AGBL4: variants seen among roughly 807,000 people sequenced by gnomAD.
AGBL4 encodes AGBL carboxypeptidase 4.
AGBL4 carries 58 observed loss-of-function variants against 66.4 expected under a neutral mutation model. The ratio of observed to expected loss-of-function variants is 0.87; its 90% CI spans 0.71 to 1.09. The LOEUF is 1.09. AGBL4 is among the 50% of genes least tolerant of loss of function. AGBL4 has a pLI of 0.00. For synonymous variants in AGBL4, 234 were observed against 222.9 expected, an observed-to-expected ratio of 1.05 and a Z score of -0.44; for missense variants, 579 against 631.0, an observed-to-expected ratio of 0.92 and a Z score of 0.88.
intron 5 of AGBL4, among the ~76,000 whole-genome samples, chr1:49,043,005 T>C (rs1200917577): frequency 2.0e-5 from 3 of 152,090 alleles, no homozygotes; most frequent in South Asian, 2.1e-4. Flanking sequence ...AGGAGTGAAA[T>C]GTACAGATCC....
At chr1:48,587,816 G>A (rs546697071) in intron 10 of AGBL4, among the ~76,000 whole-genome samples, 2 of 151,128 alleles carry the variant, frequency 1.3e-5, no homozygotes, top group Admixed American at 1.3e-4. Flanking sequence ...CTAATTTTTT[G>A]TATTTTTAGC....
At chr1:49,196,900 C>T (rs1285885229) in intron 4 of AGBL4, among the ~76,000 whole-genome samples, 1 of 152,118 alleles carries the variant, frequency 6.6e-6, no homozygotes, top group Non-Finnish European at 1.5e-5. Context: ...GATCTTGGCT[C>T]ACTGCAGCCT....
At chr1:49,948,019 T>TATATATAA in intron 1 of AGBL4, among the ~76,000 whole-genome samples, 3 of 86,646 alleles carry the variant, frequency 3.5e-5, no homozygotes, top group African/African-American at 1.9e-4. Context: ...AATATATAAA[T>TATATATAA]ATATATAAAT....
intron 2 of AGBL4, among the ~76,000 whole-genome samples, chr1:49,834,334 T>C (rs1405622320): frequency 6.6e-6 from 1 of 152,242 alleles, no homozygotes. Context: ...TCCAGGAATT[T>C]ATCCATTTCT....
At chr1:49,978,089 G>A (rs1410045416) in intron 1 of AGBL4, among the ~76,000 whole-genome samples, 3 of 152,120 alleles carry the variant, frequency 2.0e-5, no homozygotes, top group Non-Finnish European at 4.4e-5. Context: ...TAGAATTTTA[G>A]GTTGAAAATA....
chr1:48,768,554 G>A (rs1644647395), intron 6 of AGBL4, among the ~76,000 whole-genome samples: 1 of 152,144 alleles, frequency 6.6e-6, no homozygotes, highest in African/African-American at 2.4e-5. Flanking sequence ...CAGGTGACAG[G>A]AAACCCAATG....
At chr1:49,563,336 C>T (rs555838596) in intron 3 of AGBL4, among the ~76,000 whole-genome samples, 2 of 152,020 alleles carry the variant, frequency 1.3e-5, no homozygotes, top group African/African-American at 4.8e-5. Context: ...CCAGAACTTC[C>T]AACACTATGT....
At chr1:48,565,031 C>A (rs1406950535) in intron 11 of AGBL4, among the ~76,000 whole-genome samples, 1 of 152,224 alleles carries the variant, frequency 6.6e-6, no homozygotes, top group Non-Finnish European at 1.5e-5. Flanking sequence ...GGGATGTTCA[C>A]TGTGTGTAAA....
chr1:49,576,442 G>T (rs907695789), intron 3 of AGBL4, among the ~76,000 whole-genome samples: 10 of 152,172 alleles, frequency 6.6e-5, no homozygotes, highest in Non-Finnish European at 1.5e-4. Flanking sequence ...GGAGGGCTCT[G>T]GGATTTTGGA....
At chr1:49,920,458 A>G (rs1235974169) in intron 1 of AGBL4, among the ~76,000 whole-genome samples, 3 of 152,178 alleles carry the variant, frequency 2.0e-5, no homozygotes, top group African/African-American at 7.2e-5. Context: ...CTCAAAAGAA[A>G]ACATTTATGC....
chr1:49,902,762 A>G (rs1221804169), intron 1 of AGBL4, among the ~76,000 whole-genome samples: 1 of 152,090 alleles, frequency 6.6e-6, no homozygotes, highest in East Asian at 1.9e-4. Context: ...ACAAACAAAC[A>G]AACAAACCAG....
intron 3 of AGBL4, among the ~76,000 whole-genome samples, chr1:49,485,317 T>C (rs946052611): frequency 6.6e-6 from 1 of 151,726 alleles, no homozygotes; most frequent in African/African-American, 2.4e-5. Context: ...GGAACATGGA[T>C]GAAGCTGGAA....
chr1:48,810,935 G>T (rs888962025), intron 6 of AGBL4, among the ~76,000 whole-genome samples: 1 of 152,198 alleles, frequency 6.6e-6, no homozygotes, highest in Non-Finnish European at 1.5e-5. Flanking sequence ...CATGCTGATT[G>T]TCTGCTGTGC....
intron 3 of AGBL4, among the ~76,000 whole-genome samples, chr1:49,284,056 A>T (rs1644346303): frequency 6.6e-6 from 1 of 150,778 alleles, no homozygotes; most frequent in African/African-American, 2.4e-5. Context: ...CAACTCCAAG[A>T]CACATAATTG....
At chr1:49,267,562 C>T (rs928006772) in intron 3 of AGBL4, among the ~76,000 whole-genome samples, 2 of 152,006 alleles carry the variant, frequency 1.3e-5, no homozygotes, top group African/African-American at 4.8e-5. Context: ...CGCCTGTAGT[C>T]CAAGCTACTC....
At chr1:49,999,158 C>T (rs535502682) in intron 1 of AGBL4, among the ~76,000 whole-genome samples, 3 of 151,672 alleles carry the variant, frequency 2.0e-5, no homozygotes, top group Admixed American at 6.6e-5. Flanking sequence ...GTATATGATA[C>T]GATCATATAC....
intron 4 of AGBL4, among the ~76,000 whole-genome samples, chr1:49,209,102 A>T (rs1249310847): frequency 1.1e-4 from 17 of 152,256 alleles, no homozygotes; most frequent in Non-Finnish European, 1.5e-5. Flanking sequence ...ATCCAGCACT[A>T]ACACATATAT....
At chr1:49,275,231 A>T (rs1644144085) in intron 3 of AGBL4, among the ~76,000 whole-genome samples, 1 of 152,198 alleles carries the variant, frequency 6.6e-6, no homozygotes, top group Non-Finnish European at 1.5e-5. Context: ...GAGTGGCCTG[A>T]TGTCTTATCT....
intron 3 of AGBL4, among the ~76,000 whole-genome samples, chr1:49,313,737 A>ATTTG (rs1431029440): frequency 1.3e-5 from 2 of 151,074 alleles, no homozygotes; most frequent in Non-Finnish European, 3.0e-5. Context: ...TTTCTTGTAA[A>ATTTG]TTTAAGTTCT....
Sources: allele counts gnomAD v4.1 joint callset (sites outside exome capture counted in the v4.1 genomes callset), GRCh38; gene constraint gnomAD v4.1.1; transcripts MANE v1.5; gene names NCBI Gene and HGNC (gene_info 2026-07-23, HGNC 2026-07-21).